The following RGS12 variants were observed in gnomAD, a reference collection of about 807,000 sequenced individuals.
RGS12 encodes regulator of G protein signaling 12.
RGS12 carries 66 observed loss-of-function variants against 120.1 expected under a neutral mutation model. That is an observed-to-expected ratio of 0.55 (90% confidence interval 0.45 to 0.67). The LOEUF (loss-of-function observed/expected upper bound fraction) is 0.67. Among genes scored for constraint, RGS12 ranks in the 30% least tolerant of loss-of-function variants. The pLI is 0.00. For synonymous variants in RGS12, 827 were observed against 804.7 expected (o/e 1.03, Z -0.47); for missense variants, 1,859 against 1,957.7 (o/e 0.95, Z 0.95).
At chr4:3,438,357 C>T (rs1285775328) in intron 17 of RGS12, among the ~76,000 whole-genome samples, 2 of 152,008 alleles carry the variant, frequency 1.3e-5, no homozygotes, top group Non-Finnish European at 2.9e-5. Flanking sequence ...AACGTCACCC[C>T]CACCGCACAG....
chr4:3,357,222 G>A (rs528236602), intron 3 of RGS12, among the ~76,000 whole-genome samples: 13 of 152,014 alleles, frequency 8.6e-5, no homozygotes, highest in Admixed American at 5.9e-4. Context: ...TTTTTTAATT[G>A]GATTGTTTGT....
intron 4 of RGS12, among the ~76,000 whole-genome samples, chr4:3,398,271 C>A (rs1560146178): frequency 1.3e-5 from 2 of 152,182 alleles, no homozygotes; most frequent in Non-Finnish European, 2.9e-5. Context: ...AGAGAAAGAG[C>A]ATCAGAGGAG....
At chr4:3,303,927 A>G (rs1007509472) in intron 1 of RGS12, among the ~76,000 whole-genome samples, 2 of 152,170 alleles carry the variant, frequency 1.3e-5, no homozygotes, top group African/African-American at 4.8e-5. Context: ...TCTTTCCCCT[A>G]ATCATTCATG....
rs1412674509 is a variant in RGS12, at chr4:3,390,710, G to A, written c.2020+4273G>A. On this transcript the variant is annotated intron_variant, in intron 4 of 17. Coordinates refer to ENST00000336727, the MANE Select transcript of RGS12 (RefSeq NM_001394154.1). This position sits in a 1 kb window ranked among gnomAD's most constrained non-coding sequence, Gnocchi z 4.6. ...CCACAGCTGACAGGCCGATCTCTTG[G>A]GGCAAGTCACTTTCTCTCTCCTAGC... 6.6e-6 allele frequency among the ~76,000 whole-genome samples: 1 copy of A among 152,166 alleles called. No homozygotes were observed. The highest frequency in any genetic ancestry group is 1.5e-5 in the Non-Finnish European group (1 of 68,028).
rs376095437 is a variant in RGS12 at position 3,336,625 on chromosome 4, A to G, written c.1882-6312A>G. ...GTGACCAGGACATGGTCCTTGCCCCACTGGGGCTTAGGGACTAGTGTTTAT... is the reference window on the plus strand; with the variant it reads ...GTGACCAGGACATGGTCCTTGCCCCGCTGGGGCTTAGGGACTAGTGTTTAT... On this transcript the variant is annotated intron_variant, in intron 2 of 17. Coordinates refer to ENST00000336727, the MANE Select transcript of RGS12 (RefSeq NM_001394154.1). Among the ~76,000 whole-genome samples the G allele has an allele frequency of 1.6e-4, 24 of 152,368 alleles. No individual in the cohort carries two copies. The East Asian group carries it at 2.3e-3, about 15-fold the overall frequency.
intron 2 of RGS12, chr4:3,342,637 C>G: frequency 7.9e-7 from 1 of 1,260,612 alleles, no homozygotes; most frequent in Admixed American, 2.3e-5. Flanking sequence ...TGGGTAACAG[C>G]CTTGTGGGTG....
At chr4:3,378,297 C>T (rs953228365) in intron 3 of RGS12, 1 of 151,958 alleles carries the variant, frequency 6.6e-6, no homozygotes, top group African/African-American at 2.4e-5. Flanking sequence ...AGACCTGAAA[C>T]CAAAAAAACT....
chr4:3,420,560 C>T, intron 9 of RGS12, 82 bp from the exon 10 acceptor site: 1 of 1,435,770 alleles, frequency 7.0e-7, no homozygotes, highest in Non-Finnish European at 9.8e-7. Context: ...TCTGCTCAGC[C>T]TAAAGGGGGC....
chr4:3,413,813 C>T (rs1560160079), intron 4 of RGS12: 1 of 468,538 alleles, frequency 2.1e-6, no homozygotes, highest in Non-Finnish European at 3.9e-6. Flanking sequence ...TGGGCCTGCA[C>T]ATGTGAACAT....
intron 5 of RGS12, 62 bp downstream of exon 5, chr4:3,414,303 G>A: frequency 6.8e-7 from 1 of 1,463,030 alleles, no homozygotes; most frequent in Non-Finnish European, 9.1e-7. Context: ...CTACCGAGCA[G>A]GATCTGTGGG....
intron 2 of RGS12, among the ~76,000 whole-genome samples, chr4:3,326,987 A>G (rs1460523991): frequency 2.6e-5 from 4 of 152,260 alleles, no homozygotes; most frequent in Non-Finnish European, 5.9e-5. Flanking sequence ...GAACCAAAAA[A>G]GAGCCTGAAT....
At chr4:3,436,223 G>T (rs1453526984) in intron 17 of RGS12, among the ~76,000 whole-genome samples, 1 of 152,180 alleles carries the variant, frequency 6.6e-6, no homozygotes, top group Non-Finnish European at 1.5e-5. Context: ...GGAGCCCGTG[G>T]GGTGCGCTGT....
chr4:3,376,877 C>G (rs547626274), intron 3 of RGS12, among the ~76,000 whole-genome samples: 1 of 152,168 alleles, frequency 6.6e-6, no homozygotes, highest in Admixed American at 6.5e-5. Context: ...TGCACCTTTC[C>G]GAGGCCTCAG....
At chr4:3,357,574 T>C (rs1715009138) in intron 3 of RGS12, among the ~76,000 whole-genome samples, 1 of 151,666 alleles carries the variant, frequency 6.6e-6, no homozygotes, top group African/African-American at 2.4e-5. Flanking sequence ...ATTTTTATTC[T>C]TTTGCATGTG....
intron 1 of RGS12, among the ~76,000 whole-genome samples, chr4:3,294,034 C>T (rs1310573214): frequency 4.0e-5 from 1 of 25,074 alleles, no homozygotes; most frequent in Non-Finnish European, 6.5e-5. Flanking sequence ...GAGAGGACCA[C>T]CTGGCCTCTC....
At chr4:3,381,071 C>T (rs982486062) in intron 3 of RGS12, among the ~76,000 whole-genome samples, 8 of 152,214 alleles carry the variant, frequency 5.3e-5, no homozygotes, top group African/African-American at 1.9e-4. Flanking sequence ...CCTAAATCAT[C>T]TCTCTTACGT....
intron 17 of RGS12, chr4:3,432,298 C>A: frequency 1.9e-6 from 1 of 539,094 alleles, no homozygotes. Flanking sequence ...TTACCGTAAT[C>A]TACTGGCTTT....
chr4:3,407,279 C>T (rs1577060778), intron 4 of RGS12: 2 of 152,216 alleles, frequency 1.3e-5, no homozygotes, highest in East Asian at 1.9e-4. Flanking sequence ...CATGCGTCTT[C>T]GGCAAGGCTT....
At chr4:3,335,055 C>T (rs1388296715) in intron 2 of RGS12, among the ~76,000 whole-genome samples, 3 of 152,162 alleles carry the variant, frequency 2.0e-5, no homozygotes, top group Non-Finnish European at 4.4e-5. Context: ...TTGTTTCTGT[C>T]GTTAAAGGTT....
Sources: gnomAD v4.1 joint callset for allele counts (sites outside exome capture counted in the v4.1 genomes callset) on GRCh38, gnomAD v4.1.1 for gene constraint, Gnocchi (gnomAD v3.1) non-coding constraint, MANE v1.5 for transcripts, NCBI Gene and HGNC (gene_info 2026-07-23, HGNC 2026-07-21) for gene names.